Variants in MSANTD4 observed in about 807,000 individuals in gnomAD.
MSANTD4 encodes myb/SANT-like DNA-binding domain-containing protein 4.
MSANTD4 carries 13 observed loss-of-function variants against 34.3 expected under a neutral mutation model. The observed-to-expected ratio is 0.38, with a 90% CI of 0.25 to 0.60. MSANTD4 has a LOEUF of 0.60. MSANTD4 is among the 20% of genes least tolerant of loss of function. The probability of loss-of-function intolerance (pLI) is 0.63; values close to 1 mark genes in which losing one functional copy is unlikely to be tolerated. For missense variants in MSANTD4, 358 were observed against 401.8 expected, an observed-to-expected ratio of 0.89 and a Z score of 0.93; for synonymous variants, 137 against 145.2, an observed-to-expected ratio of 0.94 and a Z score of 0.41.
chr11:106,014,155 A>C (rs1262886833), intron 1 of MSANTD4, among the ~76,000 whole-genome samples: 2 of 152,222 alleles, frequency 1.3e-5, no homozygotes, highest in African/African-American at 2.4e-5. Flanking sequence ...TATTTTTTAA[A>C]AAAGAAACTT....
rs113986817 is a variant in MSANTD4 at position 106,010,535 on chromosome 11, A to C, written c.383T>G (p.Val128Gly). Residue 128 changes from valine (V) to glycine (G), a missense_variant, in exon 2 of 3, where the codon GTG becomes GGG. By Grantham distance (109) the Val-to-Gly change is moderately radical. Around this residue, in one of 2 missense-constraint regions of MSANTD4, gnomAD observed 312 missense variants for 317.6 expected, o/e 0.98. Coordinates refer to ENST00000301919, the MANE Select transcript of MSANTD4 (RefSeq NM_032424.3). The stretch of plus-strand genomic sequence containing the variant: ...TCCACCTGCATCCCTGAAATCTGCC[A>C]CATTTTGCCAGTCAAAATTTGCATC... ...RNDANFDWQN[V>G]ADFRDAGGSL... 67 of 1,614,062 alleles carry C rather than the reference A, an allele frequency of 4.2e-5. No individual in the cohort carries two copies. The highest frequency in any genetic ancestry group is 5.3e-5 in the Non-Finnish European group (63 of 1,180,014).
intron 1 of MSANTD4, among the ~76,000 whole-genome samples, chr11:106,020,526 C>A (rs187419427): frequency 2.3e-3 from 356 of 152,226 alleles, no homozygotes; most frequent in Non-Finnish European, 2.4e-3. Context: ...CAGATATCCA[C>A]CGTAAGATTT....
rs746787480 is a variant in MSANTD4 at position 106,010,489 on chromosome 11, C to T, written c.429G>A (p.Val143=). ...DAGGSLTEVK[V]EEEERDPQSP... is the part of the protein sequence containing the mutation. ...TCTGCGGATCCCTTTCTTCCTCTTC[C>T]ACCTTGACCTCAGTTAAGGATCCAC... Residue 143 remains valine, a synonymous_variant, in exon 2 of 3, where the codon GTG becomes GTA. Coordinates refer to ENST00000301919, the MANE Select transcript of MSANTD4 (RefSeq NM_032424.3). The T allele has an allele frequency of 6.2e-7, 1 of 1,613,936 alleles. No homozygotes were observed. The highest frequency in any genetic ancestry group is 2.2e-5 in the East Asian group (1 of 44,880).
At chr11:106,014,391 A>T (rs927355802) in intron 1 of MSANTD4, among the ~76,000 whole-genome samples, 3 of 152,224 alleles carry the variant, frequency 2.0e-5, no homozygotes, top group Non-Finnish European at 2.9e-5. Context: ...TGTTTGCTCA[A>T]ATAAACTTGT....
rs1565392589 is a variant in MSANTD4, at chr11:106,021,294, T to C, written c.-483A>G. ...CCAATCACAGAGAACAGCCATTTTC[T>C]AAAATCCCATTTCACAATCGTTCTT... On this transcript the variant is annotated 5_prime_UTR_variant, in exon 1 of 3. The change abolishes the stop of an existing upstream ORF in the 5' untranslated region. Transcript: ENST00000301919. The C allele has an allele frequency of 6.6e-6, 1 of 152,230 alleles. No homozygotes were observed. Among genetic ancestry groups the C allele is most frequent in the Non-Finnish European group, 1.5e-5 (1 of 68,046 alleles). The allele number at this position is 152,230 out of a possible 1,614,324, so 9.4% of individuals were successfully genotyped here.
In MSANTD4 at chr11:106,009,427, C is replaced by T; in HGVS notation, c.*108G>A. The T allele has an allele frequency of 9.2e-7, 1 of 1,088,338 alleles. No individual in the cohort carries two copies. 67.4% of individuals were successfully genotyped at this position (1,088,338 alleles called of 1,614,324 possible). On this transcript the variant is annotated 3_prime_UTR_variant, in exon 3 of 3. Coordinates refer to ENST00000301919, the MANE Select transcript of MSANTD4 (RefSeq NM_032424.3). ...ACATATAACTTTTTCCTACTGAACACTGACATTAGACAAGAAACCACAGCT... is the reference window on the plus strand; with the variant it reads ...ACATATAACTTTTTCCTACTGAACATTGACATTAGACAAGAAACCACAGCT...
rs898159129 is a variant in MSANTD4, at chr11:106,009,343, T to C, written c.*192A>G. On this transcript the variant is annotated 3_prime_UTR_variant, in exon 3 of 3. Transcript: ENST00000301919. ...TAAAGAGTCCAGCACAGTAAGTTTC[T>C]GCTATACTGTTTACGCTAGGGCACA... The C allele has an allele frequency of 2.8e-5, 16 of 572,198 alleles. 1 individual carries two copies. Among genetic ancestry groups the C allele is most frequent in the Admixed American group, 2.5e-4 (8 of 31,436 alleles). The allele number at this position is 572,198 out of a possible 1,614,324, so 35.4% of individuals were successfully genotyped here.
intron 1 of MSANTD4, among the ~76,000 whole-genome samples, chr11:106,013,618 TG>T (rs1199985938): frequency 6.6e-6 from 1 of 152,200 alleles, no homozygotes; most frequent in Non-Finnish European, 1.5e-5. Context: ...CCTAGCACTT[TG>T]GGAGGCTGAG....
chr11:106,010,514 C>T lies in MSANTD4; in HGVS notation c.404G>A (p.Gly135Asp), dbSNP rs868633857. The change falls in exon 2 of 3, where the codon GGT (glycine) becomes GAT (aspartate). Residue 135 changes from glycine to aspartate, a missense_variant. By Grantham distance (94) the Gly-to-Asp change is moderately conservative. Coordinates refer to ENST00000301919, the MANE Select transcript of MSANTD4 (RefSeq NM_032424.3). ...CACCTTGACCTCAGTTAAGGATCCA[C>T]CTGCATCCCTGAAATCTGCCACATT... ...WQNVADFRDA[G>D]GSLTEVKVEE... 2.5e-6 allele frequency: 4 copies of T among 1,614,202 alleles called. No individual in the cohort carries two copies. The highest frequency in any genetic ancestry group is 1.3e-5 in the African/African-American group (1 of 75,064).
chr11:106,010,614 C>A lies in MSANTD4; in HGVS notation c.304G>T (p.Asp102Tyr). Reference sequence around the variant, plus strand: ...TCTTCAGTGAGAGAGTCATCCAAATCAGAGGAGGGAAGGGGAAATCCTGAA... The same window carrying A: ...TCTTCAGTGAGAGAGTCATCCAAATAAGAGGAGGGAAGGGGAAATCCTGAA... ...VGSGFPLPSSDLDDSLTEEID... is the reference protein window; with the variant it reads ...VGSGFPLPSSYLDDSLTEEID... The change falls in exon 2 of 3, where the codon GAT becomes TAT. Residue 102 changes from aspartate to tyrosine, a missense_variant. Physicochemically the swap from Asp to Tyr is radical, Grantham distance 160 (BLOSUM62 -3). Transcript: ENST00000301919. 6.2e-7 allele frequency: 1 copy of A among 1,614,152 alleles called. No individual in the cohort carries two copies. The highest frequency in any genetic ancestry group is 8.5e-7 in the Non-Finnish European group (1 of 1,180,026).
intron 1 of MSANTD4, among the ~76,000 whole-genome samples, chr11:106,017,449 T>C (rs1185820264): frequency 6.6e-6 from 1 of 152,212 alleles, no homozygotes; most frequent in Non-Finnish European, 1.5e-5. Flanking sequence ...AAAATCTACT[T>C]ATAAGAAATT....
At position 106,009,613 on chromosome 11, in the gene MSANTD4, CTCAGAT is replaced by C; in HGVS notation, c.954_959del (p.Ser319_Glu320del). ...AGCGTTCCTTTTCAATCTGCAGCTT[CTCAGAT>C]TCAAACTTCAAAAACTGCAGCCTAT... On this transcript the variant is annotated inframe_deletion, in exon 3 of 3. Coordinates refer to ENST00000301919, the MANE Select transcript of MSANTD4 (RefSeq NM_032424.3). 1 of 1,614,162 alleles carries C rather than the reference CTCAGAT, an allele frequency of 6.2e-7. No homozygotes were observed. Among genetic ancestry groups the C allele is most frequent in the African/African-American group, 1.3e-5 (1 of 75,038 alleles).
At chr11:106,020,629 G>A (rs1280246115) in intron 1 of MSANTD4, among the ~76,000 whole-genome samples, 1 of 152,122 alleles carries the variant, frequency 6.6e-6, no homozygotes, top group Non-Finnish European at 1.5e-5. Context: ...GTACCACTGA[G>A]TCAATATATT....
intron 2 of MSANTD4, 117 bp from the exon 3 acceptor site, chr11:106,010,227 G>C: frequency 8.5e-7 from 1 of 1,177,092 alleles, no homozygotes; most frequent in African/African-American, 1.5e-5. Flanking sequence ...TTTGAATTTT[G>C]AATATCATTT....
chr11:106,011,539 T>G (rs1859693077), intron 1 of MSANTD4, among the ~76,000 whole-genome samples: 1 of 152,220 alleles, frequency 6.6e-6, no homozygotes, highest in African/African-American at 2.4e-5. Flanking sequence ...AGGGAAGCCT[T>G]TCCTGACAAA....
At chr11:106,015,427 G>T (rs559505463) in intron 1 of MSANTD4, among the ~76,000 whole-genome samples, 1 of 152,150 alleles carries the variant, frequency 6.6e-6, no homozygotes, top group Non-Finnish European at 1.5e-5. Flanking sequence ...CCACATCAAA[G>T]GCAAAACATT....
rs1427951355 is a variant in MSANTD4 at position 106,021,114 on chromosome 11, C to G, written c.-303G>C. The G allele has an allele frequency of 6.6e-6, 1 of 152,182 alleles. No individual in the cohort carries two copies. The highest frequency in any genetic ancestry group is 2.4e-5 in the African/African-American group (1 of 41,440). The allele number at this position is 152,182 out of a possible 1,614,324, so 9.4% of individuals were successfully genotyped here. A position where few individuals can be genotyped will look rare whatever the true frequency, so the allele number is the denominator to read the frequency against. On this transcript the variant is annotated 5_prime_UTR_variant, in exon 1 of 3. Coordinates refer to ENST00000301919, the MANE Select transcript of MSANTD4 (RefSeq NM_032424.3). ...TACTGAGCTCCTACTGTGTGAAAGG[C>G]ACTATTTTTGGTGCTGGGGATATAA...
At position 106,010,621 on chromosome 11, in the gene MSANTD4, G is replaced by A; in HGVS notation, c.297C>T (p.Pro99=). The change falls in exon 2 of 3, where the codon CCC becomes CCT. Residue 99 remains proline (P), a synonymous_variant. Transcript: ENST00000301919. ...IKLVGSGFPL[P]SSDLDDSLTE... The stretch of plus-strand genomic sequence containing the variant: ...TGAGAGAGTCATCCAAATCAGAGGA[G>A]GGAAGGGGAAATCCTGAACCAACCA... 6.2e-7 allele frequency: 1 copy of A among 1,614,100 alleles called. No individual in the cohort carries two copies. The highest frequency in any genetic ancestry group is 8.5e-7 in the Non-Finnish European group (1 of 1,180,004).
intron 2 of MSANTD4, 80 bp from the exon 3 acceptor site, chr11:106,010,190 C>T (rs2134933528): frequency 7.3e-7 from 1 of 1,368,668 alleles, no homozygotes; most frequent in African/African-American, 1.5e-5. Context: ...TAAAAGCTTT[C>T]TGCGTCGTTT....
Sources: allele counts gnomAD v4.1 joint callset (sites outside exome capture counted in the v4.1 genomes callset), GRCh38; gene constraint gnomAD v4.1.1; regional missense constraint gnomAD v4.1.1; transcripts MANE v1.5; gene names NCBI Gene and HGNC (gene_info 2026-07-23, HGNC 2026-07-21).